JAKMIP3: variants seen among roughly 807,000 people sequenced by gnomAD.
JAKMIP3 encodes Janus kinase and microtubule interacting protein 3, also known as janus kinase and microtubule-interacting protein 3.
A neutral mutation model predicts 118.5 loss-of-function variants in JAKMIP3; 58 were observed. That is an observed-to-expected ratio of 0.49 (90% CI 0.40 to 0.61). The LOEUF (loss-of-function observed/expected upper bound fraction) is 0.61, where lower values mean the gene tolerates loss of function less well. JAKMIP3 is among the 20% of genes least tolerant of loss of function. The pLI, the probability that JAKMIP3 is intolerant of heterozygous loss-of-function variation, is 0.00. For missense variants in JAKMIP3, 950 were observed against 1,109.0 expected (o/e 0.86, Z 2.04); for synonymous variants, 486 against 451.2 (o/e 1.08, Z -0.98).
intron 3 of JAKMIP3, among the ~76,000 whole-genome samples, chr10:132,119,711 T>A (rs2048243888): frequency 6.6e-6 from 1 of 152,260 alleles, no homozygotes; most frequent in South Asian, 2.1e-4. Context: ...CATTTCAGAA[T>A]CATCTTTGCT....
At chr10:132,098,296 T>C (rs2044306769) in intron 1 of JAKMIP3, among the ~76,000 whole-genome samples, 1 of 152,046 alleles carries the variant, frequency 6.6e-6, no homozygotes, top group South Asian at 2.1e-4. Flanking sequence ...GGTGCTGGGA[T>C]TACAGGCCTC....
At chr10:132,181,328 C>T (rs1346795724) in intron 23 of JAKMIP3, 1 of 152,214 alleles carries the variant, frequency 6.6e-6, no homozygotes, top group Non-Finnish European at 1.5e-5. Context: ...AGTTCATACT[C>T]CAGGCAGTTG....
intron 2 of JAKMIP3, among the ~76,000 whole-genome samples, chr10:132,109,770 G>A (rs1589834532): frequency 6.6e-6 from 1 of 152,338 alleles, no homozygotes; most frequent in African/African-American, 2.4e-5. Flanking sequence ...ACAGGACTAT[G>A]GGAAGCCTTC....
intron 21 of JAKMIP3, among the ~76,000 whole-genome samples, chr10:132,165,085 G>C (rs536016165): frequency 6.6e-6 from 1 of 152,248 alleles, no homozygotes; most frequent in Non-Finnish European, 1.5e-5. Flanking sequence ...TGAAGCCTGG[G>C]CTGTGTGGAA....
At chr10:132,126,850 T>C (rs11146198) in intron 3 of JAKMIP3, among the ~76,000 whole-genome samples, 11,096 of 152,236 alleles carry the variant, frequency 0.073, 981 homozygotes, top group African/African-American at 0.21. Context: ...GGCCATGATA[T>C]ATTGTCTATT....
At chr10:132,158,440 T>C (rs1446802389) in intron 19 of JAKMIP3, among the ~76,000 whole-genome samples, 12 of 152,220 alleles carry the variant, frequency 7.9e-5, no homozygotes, top group Admixed American at 5.9e-4. Flanking sequence ...TTCAGCTTTC[T>C]GTGAGGCCAC....
intron 1 of JAKMIP3, among the ~76,000 whole-genome samples, chr10:132,056,472 G>A (rs2038237846): frequency 6.6e-6 from 1 of 152,148 alleles, no homozygotes; most frequent in Non-Finnish European, 1.5e-5. Flanking sequence ...CTTTGGTACT[G>A]GAGACCAATC....
At position 132,112,706 on chromosome 10, in the gene JAKMIP3, A is replaced by G. The variant is rs1179124534; in HGVS notation, c.136-4371A>G. Among the ~76,000 whole-genome samples the G allele has an allele frequency of 6.6e-6, 1 of 152,088 alleles. No individual in the cohort carries two copies. Among genetic ancestry groups the G allele is most frequent in the Non-Finnish European group, 1.5e-5 (1 of 68,020 alleles). ...AGGAGTGGGGAAATAGTTCCCATGA[A>G]GGGTCTGGGATTCGGATTCTCCTTG... On this transcript the variant is annotated intron_variant, in intron 2 of 23. Transcript: ENST00000684848. This position sits in a 1 kb window ranked among gnomAD's most constrained non-coding sequence, Gnocchi z 4.3.
intron 1 of JAKMIP3, among the ~76,000 whole-genome samples, chr10:132,057,124 G>A (rs1336608284): frequency 6.6e-6 from 1 of 152,180 alleles, no homozygotes; most frequent in Non-Finnish European, 1.5e-5. Flanking sequence ...GGAAAGGAAT[G>A]GGGGCTGGGA....
At chr10:132,170,623 A>G (rs1565001607) in intron 23 of JAKMIP3, among the ~76,000 whole-genome samples, 1 of 152,060 alleles carries the variant, frequency 6.6e-6, no homozygotes, top group Non-Finnish European at 1.5e-5. Context: ...CCTGGAGGTG[A>G]CTCGGAGCTT....
At chr10:132,139,567 T>A in intron 9 of JAKMIP3, among the ~76,000 whole-genome samples, 1 of 152,170 alleles carries the variant, frequency 6.6e-6, no homozygotes, top group East Asian at 1.9e-4. Flanking sequence ...GCTGTTAGAC[T>A]GTGAGATGCT....
At chr10:132,172,854 A>T (rs1391775767) in intron 23 of JAKMIP3, among the ~76,000 whole-genome samples, 5 of 151,568 alleles carry the variant, frequency 3.3e-5, no homozygotes, top group Non-Finnish European at 1.5e-5. Flanking sequence ...GGGTGACAGT[A>T]TTTCTAGGCT....
Position 132,118,360 on chromosome 10 carries a change from G to T in JAKMIP3, c.633+786G>T, listed in dbSNP as rs540119091. 6.6e-6 allele frequency among the ~76,000 whole-genome samples: 1 copy of T among 152,238 alleles called. No individual in the cohort carries two copies. Among genetic ancestry groups the T allele is most frequent in the Non-Finnish European group, 1.5e-5 (1 of 68,048 alleles). On this transcript the variant is annotated intron_variant, in intron 3 of 23. Coordinates refer to ENST00000684848, the MANE Select transcript of JAKMIP3 (RefSeq NM_001323087.2). This position sits in a 1 kb window ranked among gnomAD's most constrained non-coding sequence, Gnocchi z 4.8. ...GATGCCCCTTGTCCTTTGGAGAGGA[G>T]ACTGTCCTGTGATTTTGGGGGAAAT...
Position 132,082,165 on chromosome 10 carries a change from TGTTTGG to T in JAKMIP3, c.-138+16106_-138+16111del, listed in dbSNP as rs1303408730. On this transcript the variant is annotated intron_variant, in intron 1 of 23. Coordinates refer to ENST00000684848, the MANE Select transcript of JAKMIP3 (RefSeq NM_001323087.2). Reference sequence around the variant, plus strand: ...TAGATGCCAGACATTGGGCATTGTTTGTTTGGGGGGGGGGGCTGAATTTTTTTTTGC... The same window carrying T: ...TAGATGCCAGACATTGGGCATTGTTTGGGGGGGGGCTGAATTTTTTTTTGC... Among the ~76,000 whole-genome samples the T allele has an allele frequency of 1.5e-4, 9 of 59,230 alleles. No individual in the cohort carries two copies. The East Asian group carries it at 0.02, about 133-fold the overall frequency. The allele number at this position is 59,230 out of a possible 152,430, so 38.9% of individuals were successfully genotyped here. A position where few individuals can be genotyped will look rare whatever the true frequency, so the allele number is the denominator to read the frequency against.
In JAKMIP3 at chr10:132,090,264, G is replaced by C. The variant is rs534367555; in HGVS notation, c.-137-14408G>C. Reference sequence around the variant, plus strand: ...AGGATTCCCTCTTTTTCTGTTGATTGGAATAGTTTCGGAAAGAATGGTACC... The same window carrying C: ...AGGATTCCCTCTTTTTCTGTTGATTCGAATAGTTTCGGAAAGAATGGTACC... On this transcript the variant is annotated intron_variant, in intron 1 of 23. Coordinates refer to ENST00000684848, the MANE Select transcript of JAKMIP3 (RefSeq NM_001323087.2). Among the ~76,000 whole-genome samples the C allele has an allele frequency of 2.0e-5, 3 of 152,194 alleles. No individual in the cohort carries two copies. The South Asian group carries it at 6.2e-4, about 32-fold the overall frequency.
At chr10:132,165,189 A>G (rs375858817) in intron 21 of JAKMIP3, among the ~76,000 whole-genome samples, 5 of 152,200 alleles carry the variant, frequency 3.3e-5, no homozygotes, top group African/African-American at 9.6e-5. Context: ...CAGAGGCCAC[A>G]CACCAGGGCT....
At chr10:132,142,070 C>T (rs2053614931) in intron 11 of JAKMIP3, 22 bp downstream of exon 11, 7 of 1,592,086 alleles carry the variant, frequency 4.4e-6, no homozygotes, top group East Asian at 4.5e-5. Context: ...TTCCACCGCG[C>T]GTTCCGGCCC....
chr10:132,151,373 G>A (rs545025854), intron 16 of JAKMIP3, among the ~76,000 whole-genome samples: 15 of 152,188 alleles, frequency 9.9e-5, no homozygotes, highest in East Asian at 1.9e-4. Context: ...CTCTGCATCC[G>A]AGGACTCCCT....
chr10:132,091,775 A>G (rs1285069320), intron 1 of JAKMIP3, among the ~76,000 whole-genome samples: 1 of 152,198 alleles, frequency 6.6e-6, no homozygotes, highest in Non-Finnish European at 1.5e-5. Context: ...ATTTACATTT[A>G]AAATTAATAT....
Sources: gnomAD v4.1 joint callset for allele counts (sites outside exome capture counted in the v4.1 genomes callset) on GRCh38, gnomAD v4.1.1 for gene constraint, Gnocchi (gnomAD v3.1) non-coding constraint, MANE v1.5 for transcripts, NCBI Gene and HGNC (gene_info 2026-07-23, HGNC 2026-07-21) for gene names.